The following ATP2C2 variants were observed in gnomAD, a reference collection of about 807,000 sequenced individuals.
ATP2C2 encodes calcium-transporting ATPase type 2C member 2.
Under a neutral mutation model 110.8 loss-of-function variants are expected in ATP2C2, and 171 were observed. The observed-to-expected ratio is 1.54, with a 90% confidence interval of 1.36 to 1.75. The LOEUF is 1.75. ATP2C2 is among the 40% of genes most tolerant of loss of function. The pLI is 0.00. For missense variants in ATP2C2, 1,963 were observed against 1,235.0 expected, an observed-to-expected ratio of 1.59 and a Z score of -8.84; for synonymous variants, 804 against 508.4, an observed-to-expected ratio of 1.58 and a Z score of -7.82.
chr16:84,454,719 C>T, intron 20 of ATP2C2, 99 bp from the exon 21 acceptor site: 4 of 1,300,646 alleles, frequency 3.1e-6, no homozygotes, highest in Non-Finnish European at 4.1e-6. Context: ...CGGGTGCCCT[C>T]CAGACAGAGG....
chr16:84,458,950 C>T (rs763439832), intron 21 of ATP2C2, among the ~76,000 whole-genome samples, 170 bp from the exon 22 acceptor site: 1 of 152,132 alleles, frequency 6.6e-6, no homozygotes, highest in African/African-American at 2.4e-5. Context: ...TGTTAGAACA[C>T]CACCGTCTCC....
intron 1 of ATP2C2, among the ~76,000 whole-genome samples, chr16:84,376,697 C>T (rs369314600): frequency 1.2e-4 from 18 of 152,150 alleles, no homozygotes; most frequent in East Asian, 1.9e-4. Flanking sequence ...CAGTCATGGC[C>T]GCTGGGTGGA....
chr16:84,453,256 CT>C (rs1277706837), intron 19 of ATP2C2, 21 bp downstream of exon 19: 1 of 1,613,852 alleles, frequency 6.2e-7, no homozygotes, highest in Non-Finnish European at 8.5e-7. Flanking sequence ...GGAGGCTTGG[CT>C]GGCAGTGGGG....
chr16:84,427,514 C>G (rs8064028), intron 11 of ATP2C2, among the ~76,000 whole-genome samples: 31,842 of 152,090 alleles, frequency 0.21, 3,610 homozygotes, highest in Non-Finnish European at 0.26. Flanking sequence ...GTCAGGAGTT[C>G]TAGACCAGTC....
At position 84,460,695 on chromosome 16, in the gene ATP2C2, C is replaced by T. The variant is rs576235259; in HGVS notation, c.2375C>T (p.Pro792Leu). Residue 792 changes from proline to leucine, a missense_variant, in exon 24 of 27, where the codon CCA (proline) becomes CTA (leucine). Pro to Leu is a moderately conservative substitution (Grantham distance 98). Coordinates refer to ENST00000262429, the MANE Select transcript of ATP2C2 (RefSeq NM_014861.4). ...GTTGACAAAGACGCCTTCAGGCAGC[C>T]ACCACGGAGTGTGCGGGACACCATC... ...EPVDKDAFRQ[P>L]PRSVRDTILS... The T allele has an allele frequency of 3.7e-6, 6 of 1,614,200 alleles. No individual in the cohort carries two copies. The highest frequency in any genetic ancestry group is 3.3e-5 in the Admixed American group (2 of 60,028).
Position 84,460,821 on chromosome 16 carries a change from G to A in ATP2C2, c.2481+20G>A. Reference sequence around the variant, plus strand: ...AAGGAGGTGAGCGAGGGTCACCCCGGCCTGTTCTCCAAGCCCTGGTGCGGT... The same window carrying A: ...AAGGAGGTGAGCGAGGGTCACCCCGACCTGTTCTCCAAGCCCTGGTGCGGT... On this transcript the variant is annotated intron_variant, in intron 24 of 26. Coordinates refer to ENST00000262429, the MANE Select transcript of ATP2C2 (RefSeq NM_014861.4). 6.3e-7 allele frequency: 1 copy of A among 1,599,572 alleles called. No homozygotes were observed. The highest frequency in any genetic ancestry group is 1.7e-5 in the Admixed American group (1 of 59,112).
At chr16:84,387,709 A>T (rs967939931) in intron 1 of ATP2C2, among the ~76,000 whole-genome samples, 6 of 152,198 alleles carry the variant, frequency 3.9e-5, no homozygotes, top group Non-Finnish European at 8.8e-5. Flanking sequence ...CCCCTCAAGA[A>T]TAAGACTTTG....
chr16:84,429,824 A>C (rs1476437358), intron 11 of ATP2C2, among the ~76,000 whole-genome samples: 1 of 152,162 alleles, frequency 6.6e-6, no homozygotes, highest in Non-Finnish European at 1.5e-5. Context: ...GGCTGGAAAC[A>C]GAAGCTTATT....
At position 84,438,767 on chromosome 16, in the gene ATP2C2, C is replaced by T. The variant is rs550505487; in HGVS notation, c.987-399C>T. 1.2e-4 allele frequency among the ~76,000 whole-genome samples: 19 copies of T among 152,270 alleles called. No individual in the cohort carries two copies. In the South Asian group the frequency reaches 1.9e-3, roughly 15 times the overall value. ...TGAAAAGTGAAATTCAAGGGACTCA[C>T]GAGGACCCCTGGAACCAAAAACTCT... On this transcript the variant is annotated intron_variant, in intron 11 of 26. Coordinates refer to ENST00000262429, the MANE Select transcript of ATP2C2 (RefSeq NM_014861.4).
At chr16:84,404,677 G>C in intron 2 of ATP2C2, 1 of 330,024 alleles carries the variant, frequency 3.0e-6, no homozygotes, top group South Asian at 2.5e-5. Context: ...ACATCTCTTG[G>C]AGCCCCACTA....
At chr16:84,460,614 C>T (rs1273301338) in intron 23 of ATP2C2, 40 bp from the exon 24 acceptor site, 4 of 1,613,896 alleles carry the variant, frequency 2.5e-6, no homozygotes, top group Non-Finnish European at 2.5e-6. Context: ...TTATTTCATT[C>T]CTGGTTCATT....
At chr16:84,371,435 G>T (rs887075274) in intron 1 of ATP2C2, among the ~76,000 whole-genome samples, 3 of 152,284 alleles carry the variant, frequency 2.0e-5, no homozygotes, top group Middle Eastern at 3.4e-3. Flanking sequence ...CACCTGGGAG[G>T]TCAAGGCTGC....
Position 84,462,026 on chromosome 16 carries a change from CAT to C in ATP2C2, c.2620_2621del (p.Met874ValfsTer34), listed in dbSNP as rs1194600282. ...IFEIGFLRNH[M>X]FLYSVLGSIL... is the part of the protein sequence containing the mutation. ...TTGAGATCGGCTTTCTCAGGAACCA[CAT>C]GTTCCTCTACTCCGTCCTGGGGTCC... On this transcript the variant is annotated frameshift_variant, in exon 26 of 27. Transcript: ENST00000262429. LOFTEE classifies it high-confidence loss of function. The C allele has an allele frequency of 2.5e-6, 4 of 1,613,950 alleles. No individual in the cohort carries two copies. In the Admixed American group the frequency reaches 5.0e-5, roughly 20 times the overall value.
intron 1 of ATP2C2, among the ~76,000 whole-genome samples, chr16:84,386,641 CA>C (rs779747537): frequency 4.4e-4 from 67 of 152,206 alleles, no homozygotes; most frequent in Admixed American, 4.6e-4. Context: ...CAGACGCACA[CA>C]GGTACTACCT....
At position 84,422,627 on chromosome 16, in the gene ATP2C2, A is replaced by G. The variant is rs775620156; in HGVS notation, c.775-2A>G. Reference sequence around the variant, plus strand: ...TCATACTTCTCTCTCTCCTGGACACAGGGGGTCGTGATTGGAACAGGGGAA... The same window carrying G: ...TCATACTTCTCTCTCTCCTGGACACGGGGGGTCGTGATTGGAACAGGGGAA... On this transcript the variant is annotated splice_acceptor_variant, in intron 8 of 26. Transcript: ENST00000262429. LOFTEE classifies it high-confidence loss of function. The G allele has an allele frequency of 2.5e-6, 4 of 1,612,614 alleles. No individual in the cohort carries two copies. The highest frequency in any genetic ancestry group is 4.5e-5 in the East Asian group (2 of 44,876).
At chr16:84,418,566 C>T (rs190599559) in intron 7 of ATP2C2, among the ~76,000 whole-genome samples, 111 of 152,302 alleles carry the variant, frequency 7.3e-4, no homozygotes, top group African/African-American at 2.6e-3. Flanking sequence ...CTTAAGAGAC[C>T]AGCACTGTTA....
intron 1 of ATP2C2, among the ~76,000 whole-genome samples, chr16:84,397,655 C>CCAAAAAAAAAAA (rs575113297): frequency 4.7e-5 from 3 of 63,512 alleles, no homozygotes; most frequent in Non-Finnish European, 7.1e-5. Context: ...GCCTGGGTGA[C>CCAAAAAAAAAAA]AAAAAAAAAA....
Position 84,453,451 on chromosome 16 carries a change from G to T in ATP2C2, c.1980+80G>T, listed in dbSNP as rs947241005. 2.6e-6 allele frequency: 4 copies of T among 1,567,982 alleles called. No homozygotes were observed. In the African/African-American group the frequency reaches 5.4e-5, roughly 21 times the overall value. On this transcript the variant is annotated intron_variant, in intron 20 of 26. Transcript: ENST00000262429. ...TGTGGCTCGAGGAGCTCATGCGTCC[G>T]TCGGGTGACAGTGCAGGGCCCGACC...
At chr16:84,455,685 G>T (rs1171493774) in intron 21 of ATP2C2, among the ~76,000 whole-genome samples, 2 of 151,730 alleles carry the variant, frequency 1.3e-5, no homozygotes, top group Non-Finnish European at 2.9e-5. Context: ...TTGAGGCTAG[G>T]TGGATCGTGC....
Sources: gnomAD v4.1 joint callset for allele counts (sites outside exome capture counted in the v4.1 genomes callset) on GRCh38, gnomAD v4.1.1 for gene constraint, MANE v1.5 for transcripts, NCBI Gene and HGNC (gene_info 2026-07-23, HGNC 2026-07-21) for gene names.